The following MPPED2 variants were observed in gnomAD, a reference collection of about 807,000 sequenced individuals.
The protein encoded by MPPED2 is metallophosphoesterase domain containing 2, also known as metallophosphoesterase MPPED2.
A neutral mutation model predicts 33.0 loss-of-function variants in MPPED2; 5 were observed. The observed-to-expected ratio is 0.15, with a 90% CI of 0.08 to 0.32. The LOEUF is 0.32. MPPED2 is among the 10% of genes least tolerant of loss of function. The pLI, the probability that MPPED2 is intolerant of heterozygous loss-of-function variation, is 1.00. For missense variants in MPPED2, 275 were observed against 372.1 expected, an observed-to-expected ratio of 0.74 and a Z score of 2.15; for synonymous variants, 136 against 141.9, an observed-to-expected ratio of 0.96 and a Z score of 0.29.
intron 6 of MPPED2, among the ~76,000 whole-genome samples, chr11:30,393,792 C>G (rs1187312435): frequency 6.6e-6 from 1 of 152,096 alleles, no homozygotes; most frequent in Non-Finnish European, 1.5e-5. Context: ...TAATTTTATC[C>G]TGTTTTTAAA....
chr11:30,505,924 A>C (rs895853301), intron 3 of MPPED2, among the ~76,000 whole-genome samples: 3 of 152,244 alleles, frequency 2.0e-5, no homozygotes, highest in Non-Finnish European at 4.4e-5. Context: ...GGAAAAAAGA[A>C]AAAGAATAAT....
intron 3 of MPPED2, among the ~76,000 whole-genome samples, chr11:30,524,602 G>T (rs1252417433): frequency 6.6e-6 from 1 of 152,144 alleles, no homozygotes; most frequent in Non-Finnish European, 1.5e-5. Flanking sequence ...GGCTATAGTG[G>T]GTGATCAACA....
intron 2 of MPPED2, among the ~76,000 whole-genome samples, chr11:30,540,201 T>G (rs1955022577): frequency 6.6e-6 from 1 of 152,214 alleles, no homozygotes; most frequent in Non-Finnish European, 1.5e-5. Flanking sequence ...TAATTTTCTG[T>G]GTTGCTATGT....
At chr11:30,585,608 T>A (rs1957426547) in intron 1 of MPPED2, among the ~76,000 whole-genome samples, 1 of 151,908 alleles carries the variant, frequency 6.6e-6, no homozygotes, top group African/African-American at 2.4e-5. Context: ...CCGCCCGGCT[T>A]CCCCAGCTTC....
intron 2 of MPPED2, among the ~76,000 whole-genome samples, chr11:30,542,208 A>T (rs2134540640): frequency 6.6e-6 from 1 of 152,254 alleles, no homozygotes; most frequent in East Asian, 1.9e-4. Context: ...TTTTTGTTAG[A>T]TGCTTAATAG....
chr11:30,419,015 G>A (rs772641756), intron 4 of MPPED2, among the ~76,000 whole-genome samples: 1 of 152,154 alleles, frequency 6.6e-6, no homozygotes, highest in Non-Finnish European at 1.5e-5. Flanking sequence ...GGAGAAACTA[G>A]GAAAGTATCA....
chr11:30,411,503 T>C lies in MPPED2; in HGVS notation c.850A>G (p.Ile284Val), dbSNP rs755133285. The change falls in exon 7 of 7, where the codon ATT becomes GTT. Residue 284 changes from isoleucine to valine, a missense_variant. By Grantham distance (29) the Ile-to-Val change is conservative. Transcript: ENST00000358117. ...TVSFQPTNPP[I>V]IFDLPNPQGS ...TGTGGGTTTGGAAGGTCAAATATAATTGGAGGGTTGGTCGGTTGAAAGCTG... is the reference window on the plus strand; with the variant it reads ...TGTGGGTTTGGAAGGTCAAATATAACTGGAGGGTTGGTCGGTTGAAAGCTG... The C allele has an allele frequency of 5.6e-6, 9 of 1,613,918 alleles. No individual in the cohort carries two copies. The highest frequency in any genetic ancestry group is 1.7e-5 in the Admixed American group (1 of 60,014).
At chr11:30,389,965 A>G (rs1370599421) in intron 6 of MPPED2, among the ~76,000 whole-genome samples, 1 of 152,100 alleles carries the variant, frequency 6.6e-6, no homozygotes, top group East Asian at 1.9e-4. Context: ...CAATATCTTC[A>G]TGGGCCCCAG....
At chr11:30,513,092 TA>T (rs1012032546) in intron 3 of MPPED2, among the ~76,000 whole-genome samples, 3 of 150,902 alleles carry the variant, frequency 2.0e-5, no homozygotes, top group African/African-American at 4.9e-5. Context: ...GCCATGACCT[TA>T]AAAAAAAACA....
At chr11:30,479,779 A>G (rs180945576) in intron 4 of MPPED2, among the ~76,000 whole-genome samples, 165 of 152,276 alleles carry the variant, frequency 1.1e-3, no homozygotes, top group Non-Finnish European at 1.8e-3. Context: ...AACAGCCATA[A>G]GAACATATTT....
intron 2 of MPPED2, among the ~76,000 whole-genome samples, chr11:30,576,546 CCTA>C (rs1258610867): frequency 6.6e-6 from 1 of 151,996 alleles, no homozygotes; most frequent in Non-Finnish European, 1.5e-5. Context: ...GGCTGGATAC[CCTA>C]CTAATAAAGT....
chr11:30,523,621 CTTT>C (rs755853042), intron 3 of MPPED2, among the ~76,000 whole-genome samples: 84 of 104,582 alleles, frequency 8.0e-4, no homozygotes, highest in Non-Finnish European at 1.0e-3. Flanking sequence ...AGCAACACAT[CTTT>C]TTTTTTTTTT....
intron 5 of MPPED2, among the ~76,000 whole-genome samples, chr11:30,416,221 C>G (rs1172724477): frequency 1.3e-5 from 2 of 152,210 alleles, no homozygotes; most frequent in Admixed American, 1.3e-4. Context: ...TGATCCTGTG[C>G]AAATCTATAT....
intron 1 of MPPED2, among the ~76,000 whole-genome samples, chr11:30,582,928 T>C (rs1957233508): frequency 6.6e-6 from 1 of 152,210 alleles, no homozygotes; most frequent in Admixed American, 6.5e-5. Flanking sequence ...ATCGAAACAG[T>C]GCACCTGCAG....
intron 4 of MPPED2, among the ~76,000 whole-genome samples, chr11:30,445,892 G>C (rs1949782594): frequency 6.6e-6 from 1 of 152,130 alleles, no homozygotes; most frequent in Admixed American, 6.5e-5. Context: ...TTGGCTATTG[G>C]GAATAATGCT....
At chr11:30,449,353 A>AATCAACAG (rs1949951045) in intron 4 of MPPED2, among the ~76,000 whole-genome samples, 1 of 152,174 alleles carries the variant, frequency 6.6e-6, no homozygotes. Context: ...AGCAACGGAG[A>AATCAACAG]ATCAACAGAT....
chr11:30,475,420 A>C (rs1951143387), intron 4 of MPPED2, among the ~76,000 whole-genome samples: 2 of 152,208 alleles, frequency 1.3e-5, no homozygotes, highest in South Asian at 4.1e-4. Flanking sequence ...TTTCACCCCC[A>C]GTATATTCCT....
chr11:30,394,339 A>G (rs1298921438), intron 6 of MPPED2, among the ~76,000 whole-genome samples: 1 of 152,170 alleles, frequency 6.6e-6, no homozygotes, highest in Non-Finnish European at 1.5e-5. Flanking sequence ...ATTCATGAGA[A>G]ACTGCTAAGC....
At chr11:30,584,221 G>A (rs1213702308) in intron 1 of MPPED2, 2 of 152,316 alleles carry the variant, frequency 1.3e-5, no homozygotes, top group Non-Finnish European at 2.9e-5. Flanking sequence ...GCAACTCGTG[G>A]AGTCTATATA....
Sources: allele counts gnomAD v4.1 joint callset (sites outside exome capture counted in the v4.1 genomes callset), GRCh38; gene constraint gnomAD v4.1.1; transcripts MANE v1.5; gene names NCBI Gene and HGNC (gene_info 2026-07-23, HGNC 2026-07-21).